CAMK2B: variants seen among roughly 807,000 people sequenced by gnomAD.
CAMK2B encodes calcium/calmodulin-dependent protein kinase type II subunit beta.
In CAMK2B, 27 loss-of-function variants were observed where a neutral mutation model predicts 93.7. The observed-to-expected ratio is 0.29, with a 90% CI of 0.21 to 0.40. The LOEUF (loss-of-function observed/expected upper bound fraction) is 0.40, where lower values mean the gene tolerates loss of function less well. Among genes scored for constraint, CAMK2B ranks in the 10% least tolerant of loss-of-function variants. CAMK2B has a pLI of 1.00. For missense variants in CAMK2B, 568 were observed against 895.8 expected (o/e 0.63, Z 4.67); for synonymous variants, 374 against 358.8 (o/e 1.04, Z -0.48).
chr7:44,325,145 G>A (rs1018466618), intron 1 of CAMK2B: 8 of 152,878 alleles, frequency 5.2e-5, no homozygotes, highest in Non-Finnish European at 8.5e-5. Flanking sequence ...GGCAGAGCTG[G>A]GCAGGGCCGC....
At chr7:44,262,052 G>T (rs1482405287) in intron 3 of CAMK2B, among the ~76,000 whole-genome samples, 2 of 152,240 alleles carry the variant, frequency 1.3e-5, no homozygotes, top group Non-Finnish European at 2.9e-5. Context: ...CTGCCCCTCT[G>T]CCCAGCTCAT....
At chr7:44,240,105 C>T (rs573859312) in intron 12 of CAMK2B, among the ~76,000 whole-genome samples, 18 of 152,158 alleles carry the variant, frequency 1.2e-4, no homozygotes, top group African/African-American at 3.1e-4. Flanking sequence ...GCCACAGGTA[C>T]AGCTTGTCCA....
intron 17 of CAMK2B, 66 bp from the exon 18 acceptor site, chr7:44,229,567 AAGGACAGGGGG>A (rs2096558148): frequency 1.5e-6 from 1 of 688,162 alleles, no homozygotes; most frequent in Admixed American, 3.9e-5. Flanking sequence ...GCAACTGGAG[AAGGACAGGGGG>A]AGGCCAGGAG....
intron 2 of CAMK2B, among the ~76,000 whole-genome samples, chr7:44,277,678 C>G (rs574503267): frequency 7.4e-4 from 112 of 152,296 alleles, no homozygotes; most frequent in African/African-American, 2.5e-3. Context: ...GAGCCTCCCC[C>G]ACAAGGCCCA....
chr7:44,247,885 G>C, intron 5 of CAMK2B, among the ~76,000 whole-genome samples: 1 of 152,162 alleles, frequency 6.6e-6, no homozygotes, highest in African/African-American at 2.4e-5. Context: ...AAAATTAGCT[G>C]GGTGTGGTGG....
intron 20 of CAMK2B, 25 bp from the exon 21 acceptor site, chr7:44,220,926 C>A (rs1280852676): frequency 4.5e-6 from 7 of 1,549,572 alleles, no homozygotes; most frequent in Non-Finnish European, 6.1e-6. Context: ...GGCCAGGTGA[C>A]CACTGGGCGC....
chr7:44,275,214 G>A (rs2097021824), intron 2 of CAMK2B, among the ~76,000 whole-genome samples: 1 of 151,892 alleles, frequency 6.6e-6, no homozygotes, highest in Admixed American at 6.6e-5. Context: ...CCTGCATCCA[G>A]TTCAGGATGC....
chr7:44,279,960 C>T (rs141602395), intron 2 of CAMK2B, among the ~76,000 whole-genome samples: 8 of 152,252 alleles, frequency 5.3e-5, no homozygotes, highest in Non-Finnish European at 1.2e-4. Context: ...TTTAGGACTG[C>T]CTCAGGACTG....
At chr7:44,222,842 T>G (rs181531425) in intron 20 of CAMK2B, among the ~76,000 whole-genome samples, 3 of 152,192 alleles carry the variant, frequency 2.0e-5, no homozygotes, top group African/African-American at 7.2e-5. Flanking sequence ...ACCTGGCAGG[T>G]GACTGAGTCC....
chr7:44,284,340 G>A lies in CAMK2B; in HGVS notation c.66-115C>T, dbSNP rs556934520. On this transcript the variant is annotated intron_variant, in intron 1 of 23. Coordinates refer to ENST00000395749, the MANE Select transcript of CAMK2B (RefSeq NM_001220.5). Reference sequence around the variant, plus strand: ...CCATTAAGCATTCAGCCACCGGCCCGGCCTCGGGCAGATGGCTGTGAGTCA... The same window carrying A: ...CCATTAAGCATTCAGCCACCGGCCCAGCCTCGGGCAGATGGCTGTGAGTCA... 2.4e-4 allele frequency: 184 copies of A among 759,568 alleles called. 1 individual carries two copies. The highest frequency in any genetic ancestry group is 2.8e-4 in the Non-Finnish European group (129 of 461,710). The allele number at this position is 759,568 out of a possible 1,614,324, so 47.1% of individuals were successfully genotyped here. A position where few individuals can be genotyped will look rare whatever the true frequency, so the allele number is the denominator to read the frequency against.
intron 2 of CAMK2B, among the ~76,000 whole-genome samples, chr7:44,275,682 G>A (rs747659417): frequency 6.6e-6 from 1 of 152,192 alleles, no homozygotes; most frequent in Non-Finnish European, 1.5e-5. Context: ...TACATCTTTT[G>A]ATTGTAAATC....
chr7:44,310,309 G>A (rs960438193), intron 1 of CAMK2B, among the ~76,000 whole-genome samples: 1 of 152,238 alleles, frequency 6.6e-6, no homozygotes, highest in African/African-American at 2.4e-5. Flanking sequence ...TTTGGGGCAA[G>A]TCTCAGAAGA....
chr7:44,232,980 CT>C (rs891458858), intron 15 of CAMK2B, 114 bp from the exon 16 acceptor site: 1 of 929,064 alleles, frequency 1.1e-6, no homozygotes, highest in African/African-American at 1.6e-5. Flanking sequence ...TGGCCAGAGC[CT>C]GCGAGAAAGA....
chr7:44,324,563 C>A (rs547685104), intron 1 of CAMK2B, among the ~76,000 whole-genome samples: 18 of 152,326 alleles, frequency 1.2e-4, no homozygotes, highest in African/African-American at 4.1e-4. Context: ...ACCTGTTCCC[C>A]GTGAGGTCCC....
At chr7:44,265,146 G>A (rs897490289) in intron 2 of CAMK2B, among the ~76,000 whole-genome samples, 2 of 152,146 alleles carry the variant, frequency 1.3e-5, no homozygotes, top group African/African-American at 2.4e-5. Flanking sequence ...GAGCAATCGT[G>A]TACAGCACTT....
At chr7:44,262,376 C>T (rs1348702204) in intron 3 of CAMK2B, among the ~76,000 whole-genome samples, 1 of 152,244 alleles carries the variant, frequency 6.6e-6, no homozygotes, top group African/African-American at 2.4e-5. Context: ...CTCCAGGCTC[C>T]AGATACCCCT....
At chr7:44,322,705 T>C (rs1310825120) in intron 1 of CAMK2B, among the ~76,000 whole-genome samples, 1 of 152,182 alleles carries the variant, frequency 6.6e-6, no homozygotes, top group African/African-American at 2.4e-5. Context: ...GCGGCCCCTC[T>C]TGGCTGGCTG....
intron 12 of CAMK2B, 47 bp from the exon 13 acceptor site, chr7:44,239,710 C>T (rs1253280205): frequency 3.2e-6 from 4 of 1,253,482 alleles, no homozygotes; most frequent in South Asian, 1.3e-5. Context: ...GGTGGGCGGA[C>T]ACAGACGAGG....
chr7:44,278,369 G>C (rs768953370), intron 2 of CAMK2B, among the ~76,000 whole-genome samples: 5 of 152,192 alleles, frequency 3.3e-5, no homozygotes, highest in Non-Finnish European at 5.9e-5. Context: ...CTGAGGTCTA[G>C]GATGACTGAG....
Sources: allele counts gnomAD v4.1 joint callset (sites outside exome capture counted in the v4.1 genomes callset), GRCh38; gene constraint gnomAD v4.1.1; transcripts MANE v1.5; gene names NCBI Gene and HGNC (gene_info 2026-07-23, HGNC 2026-07-21).